MTA3: variants seen among roughly 807,000 people sequenced by gnomAD.
The protein encoded by MTA3 is metastasis associated 1 family member 3.
A neutral mutation model predicts 83.5 loss-of-function variants in MTA3; 34 were observed. The ratio of observed to expected loss-of-function variants is 0.41; its 90% confidence interval spans 0.31 to 0.54. MTA3 has a LOEUF of 0.54. Ranked by LOEUF, MTA3 falls within the 20% of genes least tolerant of loss-of-function variation. The probability of loss-of-function intolerance (pLI) is 0.33; values close to 1 mark genes in which losing one functional copy is unlikely to be tolerated. For synonymous variants in MTA3, 303 were observed against 252.7 expected (o/e 1.20, Z -1.89); for missense variants, 761 against 726.4 (o/e 1.05, Z -0.55).
At chr2:42,720,236 G>A (rs1389616953) in intron 15 of MTA3, among the ~76,000 whole-genome samples, 1 of 151,918 alleles carries the variant, frequency 6.6e-6, no homozygotes, top group Non-Finnish European at 1.5e-5. Flanking sequence ...AAGCTGGAGT[G>A]CAGTGGCGCA....
chr2:42,724,361 C>T (rs6729750), intron 16 of MTA3, among the ~76,000 whole-genome samples: 75,327 of 145,960 alleles, frequency 0.52, 19,878 homozygotes, highest in Middle Eastern at 0.67. Context: ...AAAAGACTGT[C>T]GTTGTGGGCC....
chr2:42,721,070 T>C (rs1667376524), intron 15 of MTA3, among the ~76,000 whole-genome samples: 1 of 151,714 alleles, frequency 6.6e-6, no homozygotes, highest in Admixed American at 6.6e-5. Flanking sequence ...ATCTACCAGA[T>C]AGGCCCAGAC....
chr2:42,691,077 A>G (rs1487666330), intron 9 of MTA3, among the ~76,000 whole-genome samples: 1 of 151,784 alleles, frequency 6.6e-6, no homozygotes, highest in African/African-American at 2.4e-5. Context: ...GGGTTTCACT[A>G]TGTTGGCCAG....
intron 2 of MTA3, among the ~76,000 whole-genome samples, chr2:42,528,505 C>T (rs1056052817): frequency 6.6e-6 from 1 of 152,238 alleles, no homozygotes; most frequent in African/African-American, 2.4e-5. Context: ...CAGGCATGAG[C>T]CACCGCGCCT....
At chr2:42,661,017 A>G (rs1267340536) in intron 8 of MTA3, among the ~76,000 whole-genome samples, 1 of 152,172 alleles carries the variant, frequency 6.6e-6, no homozygotes, top group Non-Finnish European at 1.5e-5. Flanking sequence ...ACTTCTGTAC[A>G]ATTATAGATT....
intron 16 of MTA3, among the ~76,000 whole-genome samples, chr2:42,739,025 G>T (rs552493905): frequency 6.6e-6 from 1 of 151,818 alleles, no homozygotes; most frequent in Non-Finnish European, 1.5e-5. Flanking sequence ...CTGTGATCTC[G>T]CCCTGCCTCC....
At chr2:42,629,406 G>T (rs974685277) in intron 4 of MTA3, among the ~76,000 whole-genome samples, 1 of 151,958 alleles carries the variant, frequency 6.6e-6, no homozygotes, top group Non-Finnish European at 1.5e-5. Flanking sequence ...TTGTTTTCAG[G>T]ACCACAGAAA....
chr2:42,501,378 T>C (rs1558399664), intron 2 of MTA3, among the ~76,000 whole-genome samples: 1 of 152,194 alleles, frequency 6.6e-6, no homozygotes, highest in Non-Finnish European at 1.5e-5. Flanking sequence ...TTTTTTCTTA[T>C]GTCTGATTCT....
At chr2:42,542,197 C>T (rs917911219) in intron 2 of MTA3, among the ~76,000 whole-genome samples, 1 of 152,188 alleles carries the variant, frequency 6.6e-6, no homozygotes, top group African/African-American at 2.4e-5. Context: ...GGGGTCTTCC[C>T]GTACGCCAGT....
chr2:42,552,467 C>T (rs1241789624), intron 2 of MTA3, among the ~76,000 whole-genome samples: 22 of 152,050 alleles, frequency 1.4e-4, no homozygotes, highest in South Asian at 2.1e-4. Flanking sequence ...AACTAGACTC[C>T]TAGCCCCAGG....
intron 2 of MTA3, among the ~76,000 whole-genome samples, chr2:42,555,312 G>A (rs1297930504): frequency 2.7e-5 from 4 of 150,906 alleles, no homozygotes; most frequent in African/African-American, 9.8e-5. Context: ...AAAATTAGCC[G>A]GGCATGGTGG....
chr2:42,590,378 C>G (rs1680823175), intron 3 of MTA3, among the ~76,000 whole-genome samples: 2 of 152,154 alleles, frequency 1.3e-5, no homozygotes, highest in Non-Finnish European at 2.9e-5. Flanking sequence ...ACACCTCCAA[C>G]CTTGCTTCCT....
intron 16 of MTA3, among the ~76,000 whole-genome samples, chr2:42,751,385 G>T (rs1669861016): frequency 6.6e-6 from 1 of 152,220 alleles, no homozygotes; most frequent in Non-Finnish European, 1.5e-5. Context: ...CTAGGAAGGA[G>T]ACTGAGAATT....
chr2:42,722,780 C>T, intron 15 of MTA3, 109 bp from the exon 16 acceptor site: 2 of 1,301,304 alleles, frequency 1.5e-6, no homozygotes, highest in Middle Eastern at 2.6e-4. Context: ...TCAGGAGGAA[C>T]TGACTCTCAG....
At chr2:42,511,855 A>T (rs1572901118) in intron 2 of MTA3, 2 of 152,202 alleles carry the variant, frequency 1.3e-5, no homozygotes, top group South Asian at 4.1e-4. Flanking sequence ...CATCTCTACT[A>T]AAAATACAAA....
At chr2:42,622,996 C>T (rs901891231) in intron 4 of MTA3, among the ~76,000 whole-genome samples, 7 of 152,140 alleles carry the variant, frequency 4.6e-5, no homozygotes, top group African/African-American at 1.7e-4. Context: ...AAGAGATTCA[C>T]AAGTATAATA....
At chr2:42,614,431 T>G (rs1231412546) in intron 4 of MTA3, among the ~76,000 whole-genome samples, 1 of 152,222 alleles carries the variant, frequency 6.6e-6, no homozygotes, top group Non-Finnish European at 1.5e-5. Flanking sequence ...TTCAATAACT[T>G]TTAAATTTGT....
intron 3 of MTA3, among the ~76,000 whole-genome samples, chr2:42,584,390 A>G (rs147204533): frequency 8.5e-5 from 13 of 152,336 alleles, no homozygotes; most frequent in African/African-American, 3.1e-4. Flanking sequence ...TTTCAAACTT[A>G]AAGTGTCCAA....
chr2:42,542,171 T>G (rs1676548751), intron 2 of MTA3, among the ~76,000 whole-genome samples: 1 of 152,212 alleles, frequency 6.6e-6, no homozygotes, highest in African/African-American at 2.4e-5. Flanking sequence ...CTTGAGTAAC[T>G]GACCCATAGG....
Sources: gnomAD v4.1 joint callset for allele counts (sites outside exome capture counted in the v4.1 genomes callset) on GRCh38, gnomAD v4.1.1 for gene constraint, MANE v1.5 for transcripts, NCBI Gene and HGNC (gene_info 2026-07-23, HGNC 2026-07-21) for gene names.